The following RNF150 variants were observed in gnomAD, a reference collection of about 807,000 sequenced individuals.
The protein encoded by RNF150 is ring finger protein 150.
A neutral mutation model predicts 39.3 loss-of-function variants in RNF150; 24 were observed. The ratio of observed to expected loss-of-function variants is 0.61; its 90% confidence interval spans 0.44 to 0.86. RNF150 has a LOEUF of 0.86. Among genes scored for constraint, RNF150 ranks in the 40% least tolerant of loss-of-function variants. The pLI, the probability that RNF150 is intolerant of heterozygous loss-of-function variation, is 0.00. For synonymous variants in RNF150, 255 were observed against 227.3 expected (o/e 1.12, Z -1.10); for missense variants, 502 against 587.8 (o/e 0.85, Z 1.51).
At chr4:141,166,525 T>C (rs900943995) in intron 1 of RNF150, among the ~76,000 whole-genome samples, 2 of 152,200 alleles carry the variant, frequency 1.3e-5, no homozygotes, top group African/African-American at 2.4e-5. Context: ...CTGATGAACA[T>C]TGATGCAAAA....
chr4:141,137,723 T>C (rs1156618296), upstream of RNF150, among the ~76,000 whole-genome samples: 1 of 152,206 alleles, frequency 6.6e-6, no homozygotes, highest in East Asian at 1.9e-4. Context: ...TGAATAATTT[T>C]TAAGTTATCG....
intron 2 of RNF150, among the ~76,000 whole-genome samples, chr4:140,963,153 G>A (rs1220650682): frequency 6.6e-6 from 1 of 151,910 alleles, no homozygotes; most frequent in Non-Finnish European, 1.5e-5. Context: ...ATCATTTTGA[G>A]AATCAGATAT....
intron 1 of RNF150, among the ~76,000 whole-genome samples, chr4:141,139,720 A>G (rs1449737810): frequency 6.6e-6 from 1 of 152,226 alleles, no homozygotes; most frequent in Non-Finnish European, 1.5e-5. Context: ...ATTAATTCTC[A>G]GGATGATTTT....
chr4:140,981,740 A>G (rs1309136755), intron 1 of RNF150, among the ~76,000 whole-genome samples: 1 of 152,178 alleles, frequency 6.6e-6, no homozygotes, highest in African/African-American at 2.4e-5. Flanking sequence ...AAAAGGTTAT[A>G]GTGCATTGTA....
At chr4:141,061,332 G>A (rs1203480227) in intron 1 of RNF150, among the ~76,000 whole-genome samples, 1 of 151,996 alleles carries the variant, frequency 6.6e-6, no homozygotes, top group Non-Finnish European at 1.5e-5. Context: ...AAGCAATTCT[G>A]AGCTATTTGT....
chr4:140,946,797 T>C (rs545413615), intron 4 of RNF150, among the ~76,000 whole-genome samples: 1 of 152,328 alleles, frequency 6.6e-6, no homozygotes, highest in South Asian at 2.1e-4. Flanking sequence ...TGAGCCACCA[T>C]GCCTGGCTGA....
At chr4:141,193,864 T>C (rs1308277310) in intron 1 of RNF150, among the ~76,000 whole-genome samples, 1 of 152,218 alleles carries the variant, frequency 6.6e-6, no homozygotes, top group African/African-American at 2.4e-5. Flanking sequence ...CTATCCAATT[T>C]CCCACTACTG....
At chr4:140,892,934 G>C (rs1729809254) in intron 6 of RNF150, among the ~76,000 whole-genome samples, 1 of 152,110 alleles carries the variant, frequency 6.6e-6, no homozygotes, top group African/African-American at 2.4e-5. Context: ...TGAGTGTGGT[G>C]GTGTGTACCT....
intron 6 of RNF150, among the ~76,000 whole-genome samples, chr4:140,884,910 T>C (rs2111212938): frequency 6.6e-6 from 1 of 152,250 alleles, no homozygotes; most frequent in East Asian, 1.9e-4. Flanking sequence ...GGTGAATGAG[T>C]GGGTTCCATG....
At chr4:140,923,931 T>C (rs1042067057) in intron 5 of RNF150, among the ~76,000 whole-genome samples, 9 of 145,084 alleles carry the variant, frequency 6.2e-5, no homozygotes, top group African/African-American at 2.3e-4. Context: ...TGAGAACACA[T>C]GGACACAGGA....
intron 1 of RNF150, among the ~76,000 whole-genome samples, chr4:141,143,996 A>G (rs1727161967): frequency 6.6e-6 from 1 of 152,004 alleles, no homozygotes. Context: ...TATATACCCT[A>G]TTTACTTGCT....
At chr4:140,988,021 A>G (rs1446665843) in intron 1 of RNF150, among the ~76,000 whole-genome samples, 1 of 152,218 alleles carries the variant, frequency 6.6e-6, no homozygotes, top group Non-Finnish European at 1.5e-5. Context: ...ATCACTGATC[A>G]TTAGAGAAAT....
At chr4:140,937,385 C>G (rs1219690823) in intron 4 of RNF150, among the ~76,000 whole-genome samples, 1 of 152,096 alleles carries the variant, frequency 6.6e-6, no homozygotes, top group Non-Finnish European at 1.5e-5. Flanking sequence ...CTCAACTTCC[C>G]GATTAGCTGG....
intron 1 of RNF150, among the ~76,000 whole-genome samples, chr4:141,082,142 C>T (rs1289262266): frequency 2.6e-5 from 4 of 152,240 alleles, no homozygotes; most frequent in Non-Finnish European, 5.9e-5. Flanking sequence ...AGTTTCTCTG[C>T]TGTTCTGAAC....
rs1281345623 is a variant in RNF150, at chr4:141,126,381, C to T, written c.484+5944G>A. Among the ~76,000 whole-genome samples, 3 of 152,292 alleles carry T rather than the reference C, an allele frequency of 2.0e-5. No homozygotes were observed. The East Asian group carries it at 5.8e-4, about 29-fold the overall frequency. On this transcript the variant is annotated intron_variant, in intron 1 of 6. Transcript: ENST00000515673. The stretch of plus-strand genomic sequence containing the variant: ...TTCCCACTCAGTTTCAACCTGAATG[C>T]CAGAGAAAGCTTACCCTTTCAAGAA...
At chr4:141,086,879 C>A (rs1738386487) in intron 1 of RNF150, among the ~76,000 whole-genome samples, 1 of 151,610 alleles carries the variant, frequency 6.6e-6, no homozygotes, top group African/African-American at 2.4e-5. Flanking sequence ...TTCAGGAAAC[C>A]TTTCCTTTTC....
intron 1 of RNF150, among the ~76,000 whole-genome samples, chr4:141,028,792 T>G (rs1195610790): frequency 6.6e-6 from 1 of 152,164 alleles, no homozygotes; most frequent in African/African-American, 2.4e-5. Flanking sequence ...TTCTGACATC[T>G]CACTTTATTT....
At chr4:140,869,731 T>G (rs1436277184) in intron 6 of RNF150, among the ~76,000 whole-genome samples, 1 of 152,204 alleles carries the variant, frequency 6.6e-6, no homozygotes, top group Non-Finnish European at 1.5e-5. Context: ...GCCAGATGAA[T>G]AAGAAGAAAT....
At chr4:140,997,215 CTATAATT>C (rs1268707684) in intron 1 of RNF150, among the ~76,000 whole-genome samples, 5 of 152,144 alleles carry the variant, frequency 3.3e-5, no homozygotes, top group Non-Finnish European at 5.9e-5. Context: ...TGTGAGAAAA[CTATAATT>C]TATAATCTAG....
Sources: allele counts gnomAD v4.1 joint callset (sites outside exome capture counted in the v4.1 genomes callset), GRCh38; gene constraint gnomAD v4.1.1; transcripts MANE v1.5; gene names NCBI Gene and HGNC (gene_info 2026-07-23, HGNC 2026-07-21).